The following GYPE variants were observed in gnomAD, a reference collection of about 807,000 sequenced individuals.
The protein encoded by GYPE is glycophorin-E.
Under a neutral mutation model 11.6 loss-of-function variants are expected in GYPE, and 8 were observed. That is an observed-to-expected ratio of 0.69 (90% CI 0.41 to 1.25). The LOEUF (loss-of-function observed/expected upper bound fraction) is 1.25, where lower values mean the gene tolerates loss of function less well. Ranked by LOEUF, GYPE falls within the 50% of genes most tolerant of loss-of-function variation. The probability of loss-of-function intolerance (pLI) is 0.01; values close to 1 mark genes in which losing one functional copy is unlikely to be tolerated. For synonymous variants in GYPE, 28 were observed against 29.6 expected (o/e 0.94, Z 0.18); for missense variants, 90 against 92.8 (o/e 0.97, Z 0.12).
At chr4:143,872,444 G>A (rs1743649624) in intron 3 of GYPE, among the ~76,000 whole-genome samples, 192 bp from the exon 4 acceptor site, 1 of 151,988 alleles carries the variant, frequency 6.6e-6, no homozygotes, top group Non-Finnish European at 1.5e-5. Context: ...TTACCCTACT[G>A]AATTGAGACT....
chr4:143,876,486 A>G lies in GYPE; in HGVS notation c.*9+260T>C, dbSNP rs191802689. 1.5e-3 allele frequency among the ~76,000 whole-genome samples: 230 copies of G among 152,320 alleles called. 1 individual carries two copies. The highest frequency in any genetic ancestry group is 2.6e-3 in the Non-Finnish European group (174 of 68,040). ...CTCAATATCCATCAAAATATGTGAA[A>G]GCAAGTTAGACAAAACTTAGGGAGA... On this transcript the variant is annotated intron_variant, in intron 3 of 3. Transcript: ENST00000358615.
At chr4:143,897,692 A>G (rs1744703099) in intron 1 of GYPE, among the ~76,000 whole-genome samples, 1 of 152,154 alleles carries the variant, frequency 6.6e-6, no homozygotes, top group Admixed American at 6.5e-5. Flanking sequence ...TGCCAGATCA[A>G]TAGCATATGA....
chr4:143,875,347 G>T (rs761313555), intron 3 of GYPE: 20 of 853,072 alleles, frequency 2.3e-5, no homozygotes, highest in Non-Finnish European at 3.7e-5. Context: ...TTATTTAGAA[G>T]TAGAGAATAC....
chr4:143,878,179 A>G (rs544244859), intron 2 of GYPE, among the ~76,000 whole-genome samples: 29 of 152,236 alleles, frequency 1.9e-4, no homozygotes, highest in African/African-American at 6.7e-4. Flanking sequence ...AGGCTAGAGT[A>G]CAGTGGCACA....
At chr4:143,885,533 C>G (rs570992558) in intron 1 of GYPE, among the ~76,000 whole-genome samples, 22 of 152,216 alleles carry the variant, frequency 1.4e-4, no homozygotes, top group Middle Eastern at 3.4e-3. Flanking sequence ...ACACTGTACT[C>G]AAGTATACAA....
At chr4:143,873,752 G>A (rs1743694435) in intron 3 of GYPE, among the ~76,000 whole-genome samples, 1 of 152,094 alleles carries the variant, frequency 6.6e-6, no homozygotes, top group African/African-American at 2.4e-5. Flanking sequence ...TGATTGACCT[G>A]AGCATGAAAT....
At chr4:143,896,295 T>A (rs1295760000) in intron 1 of GYPE, among the ~76,000 whole-genome samples, 1 of 151,834 alleles carries the variant, frequency 6.6e-6, no homozygotes. Flanking sequence ...TACAATGAAC[T>A]CAAACAAATT....
At chr4:143,903,907 T>A (rs998308934) in intron 1 of GYPE, among the ~76,000 whole-genome samples, 13 of 152,076 alleles carry the variant, frequency 8.5e-5, no homozygotes, top group African/African-American at 3.1e-4. Context: ...CCCAGTAGAG[T>A]ATGCAGTGTC....
intron 1 of GYPE, among the ~76,000 whole-genome samples, chr4:143,900,048 G>A (rs4405967): frequency 4.1e-4 from 58 of 143,076 alleles, no homozygotes; most frequent in African/African-American, 1.4e-3. Flanking sequence ...ATAGTATATC[G>A]GATAAGACTC....
rs1486315512 is a variant in GYPE, at chr4:143,872,017, C to G, written c.*245G>C. On this transcript the variant is annotated 3_prime_UTR_variant, in exon 4 of 4. Transcript: ENST00000358615. ...GGGATAAGGATTTCGTGATGAGAAT[C>G]GGGCAGAACTGGAGTTTAATCCTCA... 3 of 152,166 alleles carry G rather than the reference C, an allele frequency of 2.0e-5. No individual in the cohort carries two copies. The highest frequency in any genetic ancestry group is 4.4e-5 in the Non-Finnish European group (3 of 68,008). The allele number at this position is 152,166 out of a possible 1,614,324, so 9.4% of individuals were successfully genotyped here.
Position 143,880,441 on chromosome 4 carries a change from T to C in GYPE, c.106A>G (p.Thr36Ala), listed in dbSNP as rs190173197. 234 of 1,614,002 alleles carry C rather than the reference T, an allele frequency of 1.4e-4. 1 individual carries two copies. The African/African-American group carries it at 3.0e-3, about 21-fold the overall frequency. The part of the protein sequence containing the change: ...AMHTSTSSSV[T>A]KSYISSQTNG... ...GTCTGTGATGAGATGTAACTCTTTG[T>C]GACTGAAGAAGAGGTTGAAGTGTGC... The change falls in exon 2 of 4, where the codon ACA becomes GCA. Residue 36 changes from threonine (T) to alanine (A), a missense_variant. Physicochemically the swap from Thr to Ala is moderately conservative, Grantham distance 58. Coordinates refer to ENST00000358615, the MANE Select transcript of GYPE (RefSeq NM_198682.3).
intron 1 of GYPE, among the ~76,000 whole-genome samples, chr4:143,882,352 T>A (rs1289106036): frequency 1.3e-5 from 2 of 152,098 alleles, no homozygotes; most frequent in Admixed American, 1.3e-4. Flanking sequence ...TCAATTAAAG[T>A]ATGTAAAAAT....
chr4:143,889,326 T>A (rs1744316347), intron 1 of GYPE, among the ~76,000 whole-genome samples: 1 of 152,034 alleles, frequency 6.6e-6, no homozygotes, highest in Admixed American at 6.5e-5. Flanking sequence ...TTCCAGCCAG[T>A]GCACATTCTT....
intron 1 of GYPE, among the ~76,000 whole-genome samples, chr4:143,894,047 C>A (rs1744521081): frequency 6.6e-6 from 1 of 152,144 alleles, no homozygotes; most frequent in South Asian, 2.1e-4. Flanking sequence ...CTTCTCGCTT[C>A]ATTTCATTCA....
intron 3 of GYPE, among the ~76,000 whole-genome samples, chr4:143,876,262 C>T (rs1195948417): frequency 5.3e-5 from 8 of 152,076 alleles, no homozygotes; most frequent in African/African-American, 1.4e-4. Context: ...TACACGTGTG[C>T]ACCACCACGC....
chr4:143,885,618 A>T (rs1263751872), intron 1 of GYPE, among the ~76,000 whole-genome samples: 1 of 151,840 alleles, frequency 6.6e-6, no homozygotes, highest in Non-Finnish European at 1.5e-5. Context: ...TTCCAGCTGG[A>T]TCTACATGCC....
intron 1 of GYPE, among the ~76,000 whole-genome samples, chr4:143,904,775 T>C (rs1744998558): frequency 6.6e-6 from 1 of 152,168 alleles, no homozygotes; most frequent in Admixed American, 6.5e-5. Flanking sequence ...TGTTTAACTA[T>C]AATATTCTCA....
intron 1 of GYPE, among the ~76,000 whole-genome samples, chr4:143,898,206 G>A (rs1232526285): frequency 3.3e-5 from 5 of 152,076 alleles, no homozygotes; most frequent in Non-Finnish European, 7.4e-5. Flanking sequence ...GTGAAACCCC[G>A]TCTCTACTAA....
intron 1 of GYPE, among the ~76,000 whole-genome samples, chr4:143,886,318 T>TG (rs1224602429): frequency 2.7e-5 from 4 of 149,434 alleles, no homozygotes; most frequent in East Asian, 2.0e-4. Context: ...AGCATCTGGT[T>TG]GAAAAAAAAA....
Sources: gnomAD v4.1 joint callset for allele counts (sites outside exome capture counted in the v4.1 genomes callset) on GRCh38, gnomAD v4.1.1 for gene constraint, MANE v1.5 for transcripts, NCBI Gene and HGNC (gene_info 2026-07-23, HGNC 2026-07-21) for gene names.